The following SGCZ variants were observed in gnomAD, a reference collection of about 807,000 sequenced individuals.
The protein encoded by SGCZ is sarcoglycan zeta, also known as zeta-sarcoglycan.
Under a neutral mutation model 41.3 loss-of-function variants are expected in SGCZ, and 40 were observed. The ratio of observed to expected loss-of-function variants is 0.97; its 90% CI spans 0.75 to 1.26. The LOEUF (loss-of-function observed/expected upper bound fraction) is 1.26. SGCZ is among the 50% of genes most tolerant of loss of function. The pLI, the probability that SGCZ is intolerant of heterozygous loss-of-function variation, is 0.00. For missense variants in SGCZ, 552 were observed against 369.8 expected (o/e 1.49, Z -4.04); for synonymous variants, 206 against 137.5 (o/e 1.50, Z -3.49).
At chr8:15,200,105 T>G (rs754327419) in intron 1 of SGCZ, among the ~76,000 whole-genome samples, 1 of 152,232 alleles carries the variant, frequency 6.6e-6, no homozygotes, top group Admixed American at 6.5e-5. Context: ...ACTGTAGAAA[T>G]TTGTATCTCT....
At chr8:14,819,094 A>G (rs999629036) in intron 1 of SGCZ, among the ~76,000 whole-genome samples, 1 of 151,766 alleles carries the variant, frequency 6.6e-6, no homozygotes, top group African/African-American at 2.4e-5. Context: ...TCCAAGGCAC[A>G]TTATAATCAA....
At chr8:14,624,663 C>G (rs1563161551) in intron 1 of SGCZ, among the ~76,000 whole-genome samples, 1 of 144,208 alleles carries the variant, frequency 6.9e-6, no homozygotes, top group African/African-American at 2.6e-5. Context: ...CTCCGCCTCC[C>G]GGGGTCAAGT....
At chr8:14,803,983 C>T (rs961952792) in intron 1 of SGCZ, among the ~76,000 whole-genome samples, 238 of 122,836 alleles carry the variant, frequency 1.9e-3, no homozygotes, top group African/African-American at 8.7e-3. Flanking sequence ...ACACCTCACA[C>T]GGCAGGGTAT....
chr8:15,097,513 C>A (rs918351875), intron 1 of SGCZ, among the ~76,000 whole-genome samples: 2 of 151,644 alleles, frequency 1.3e-5, no homozygotes, highest in African/African-American at 4.8e-5. Flanking sequence ...CTTTGGGAGG[C>A]CAAGATGGGA....
At chr8:14,570,565 T>C (rs1804520021) in intron 1 of SGCZ, among the ~76,000 whole-genome samples, 1 of 152,192 alleles carries the variant, frequency 6.6e-6, no homozygotes, top group African/African-American at 2.4e-5. Flanking sequence ...TCCTTCTTCA[T>C]CATGTCAGTG....
chr8:14,282,227 C>T (rs1472245416), intron 3 of SGCZ, among the ~76,000 whole-genome samples: 2 of 152,086 alleles, frequency 1.3e-5, no homozygotes, highest in Admixed American at 1.3e-4. Context: ...GAATACTGAT[C>T]CGCCTGTATC....
chr8:14,770,150 TATATTTAACAG>T (rs1408047284), intron 1 of SGCZ, among the ~76,000 whole-genome samples: 1 of 70,870 alleles, frequency 1.4e-5, no homozygotes, highest in East Asian at 5.7e-4. Flanking sequence ...ATATACATAA[TATATTTAACAG>T]ATATTCACGT....
intron 1 of SGCZ, among the ~76,000 whole-genome samples, chr8:14,783,025 G>A (rs1053884352): frequency 2.6e-5 from 4 of 152,284 alleles, no homozygotes; most frequent in East Asian, 1.9e-4. Flanking sequence ...ACTTGGAGTT[G>A]TATTATTTTA....
At chr8:14,489,222 T>G (rs1180511585) in intron 2 of SGCZ, among the ~76,000 whole-genome samples, 1 of 152,040 alleles carries the variant, frequency 6.6e-6, no homozygotes, top group Non-Finnish European at 1.5e-5. Context: ...CATTCAAAAA[T>G]TAGAACGGGA....
At chr8:14,878,125 T>G (rs539778316) in intron 1 of SGCZ, among the ~76,000 whole-genome samples, 14 of 152,092 alleles carry the variant, frequency 9.2e-5, no homozygotes, top group African/African-American at 3.1e-4. Context: ...GAAAGAACTT[T>G]AAGCACTTAA....
chr8:14,244,757 C>G (rs183033846), intron 3 of SGCZ, among the ~76,000 whole-genome samples: 1 of 152,138 alleles, frequency 6.6e-6, no homozygotes, highest in African/African-American at 2.4e-5. Context: ...TTTCTATCCT[C>G]TTTTATGTCA....
At chr8:14,979,759 T>G (rs1321415372) in intron 1 of SGCZ, among the ~76,000 whole-genome samples, 1 of 152,200 alleles carries the variant, frequency 6.6e-6, no homozygotes, top group Admixed American at 6.5e-5. Flanking sequence ...GACTGGTTAT[T>G]AGGATATGAA....
intron 1 of SGCZ, among the ~76,000 whole-genome samples, chr8:14,822,309 T>C (rs1563293671): frequency 6.6e-6 from 1 of 152,146 alleles, no homozygotes. Context: ...CATTGAAAAC[T>C]GTAAAACTTT....
intron 3 of SGCZ, among the ~76,000 whole-genome samples, chr8:14,315,482 G>C (rs577490907): frequency 2.0e-5 from 3 of 151,774 alleles, no homozygotes; most frequent in Non-Finnish European, 2.9e-5. Context: ...TGATGCAAGG[G>C]GATAAGGATA....
intron 2 of SGCZ, among the ~76,000 whole-genome samples, chr8:14,460,829 T>C (rs1800882175): frequency 6.6e-6 from 1 of 152,186 alleles, no homozygotes; most frequent in Non-Finnish European, 1.5e-5. Context: ...AGATACTTGT[T>C]TGAGACAGTA....
intron 2 of SGCZ, among the ~76,000 whole-genome samples, chr8:14,467,411 A>G (rs1307442414): frequency 6.6e-6 from 1 of 152,046 alleles, no homozygotes; most frequent in East Asian, 1.9e-4. Context: ...AGAAGCAATA[A>G]TCACCAATCT....
chr8:14,908,950 C>G (rs1799201312), intron 1 of SGCZ, among the ~76,000 whole-genome samples: 2 of 152,126 alleles, frequency 1.3e-5, no homozygotes, highest in Admixed American at 6.6e-5. Flanking sequence ...AAACTTATCT[C>G]TATAATTATG....
Position 14,574,082 on chromosome 8 carries a change from C to G in SGCZ, c.40-19156G>C, listed in dbSNP as rs1346456759. Among the ~76,000 whole-genome samples the G allele has an allele frequency of 2.0e-5, 3 of 152,132 alleles. No homozygotes were observed. In the East Asian group the frequency reaches 5.8e-4, roughly 29 times the overall value. On this transcript the variant is annotated intron_variant, in intron 1 of 7. Coordinates refer to ENST00000382080, the MANE Select transcript of SGCZ (RefSeq NM_139167.4). The stretch of plus-strand genomic sequence containing the variant: ...ATAATCTCCACATGAGTAATAGATG[C>G]TCTAGGAATGTGATCAAGGGACTGA...
intron 1 of SGCZ, among the ~76,000 whole-genome samples, chr8:14,623,762 G>A (rs1178196005): frequency 1.3e-5 from 2 of 152,088 alleles, no homozygotes; most frequent in East Asian, 3.9e-4. Context: ...TGTCACCGGG[G>A]TGCTGGGAGA....
Sources: allele counts gnomAD v4.1 joint callset (sites outside exome capture counted in the v4.1 genomes callset), GRCh38; gene constraint gnomAD v4.1.1; transcripts MANE v1.5; gene names NCBI Gene and HGNC (gene_info 2026-07-23, HGNC 2026-07-21).